KCNQ1: variants seen among roughly 807,000 people sequenced by gnomAD.
The protein encoded by KCNQ1 is potassium voltage-gated channel subfamily KQT member 1.
In KCNQ1, 49 loss-of-function variants were observed where a neutral mutation model predicts 72.4. The observed-to-expected ratio is 0.68, with a 90% CI of 0.54 to 0.86. The LOEUF is 0.86. KCNQ1 is among the 40% of genes least tolerant of loss of function. The pLI, the probability that KCNQ1 is intolerant of heterozygous loss-of-function variation, is 0.00. For synonymous variants in KCNQ1, 450 were observed against 412.6 expected (o/e 1.09, Z -1.10); for missense variants, 790 against 945.1 (o/e 0.84, Z 2.15).
Position 2,571,180 on chromosome 11 carries a change from C to T in KCNQ1, c.605-145C>T, listed in dbSNP as rs552896736. 175 of 732,598 alleles carry T rather than the reference C, an allele frequency of 2.4e-4. 1 individual carries two copies. Among genetic ancestry groups the T allele is most frequent in the Admixed American group, 7.7e-4 (39 of 50,928 alleles). 45.4% of individuals were successfully genotyped at this position (732,598 alleles called of 1,614,324 possible). ...TTTAGATGCTGCCTGCCTCCCTATC[C>T]GAGGTGTCTCCATGTCCCCGGTCAT... is the stretch of plus-strand genomic sequence containing the variant. On this transcript the variant is annotated intron_variant, in intron 3 of 15. Transcript: ENST00000155840.
intron 13 of KCNQ1, 54 bp from the exon 14 acceptor site, chr11:2,776,932 A>T (rs912433146): frequency 9.7e-6 from 15 of 1,547,348 alleles, no homozygotes; most frequent in African/African-American, 1.4e-5. Context: ...ACGACAGTGC[A>T]TCTGCGCAGT....
rs1199447509 is a variant in KCNQ1, at chr11:2,734,203, A to G, written c.1515-34641A>G. On this transcript the variant is annotated intron_variant, in intron 11 of 15. Transcript: ENST00000155840. This position sits in a 1 kb window ranked among gnomAD's most constrained non-coding sequence, Gnocchi z 7.0. ...GGACGTCCAAAGAATAAACGAATGA[A>G]CCATCCAAAGCACAGGCCAGAGGCA... 6.6e-6 allele frequency among the ~76,000 whole-genome samples: 1 copy of G among 152,122 alleles called. No individual in the cohort carries two copies. Among genetic ancestry groups the G allele is most frequent in the Non-Finnish European group, 1.5e-5 (1 of 68,024 alleles).
At position 2,830,047 on chromosome 11, in the gene KCNQ1, G is replaced by A. The variant is rs539786014; in HGVS notation, c.1795-17720G>A. Among the ~76,000 whole-genome samples the A allele has an allele frequency of 1.3e-5, 2 of 150,528 alleles. No homozygotes were observed. The highest frequency in any genetic ancestry group is 4.9e-5 in the African/African-American group (2 of 41,086). ...GGAGGAAGGAGGAGGGAGGAGGAAG[G>A]AGGAGGGAGGAGGGAGGAAGAGAGA... On this transcript the variant is annotated intron_variant, in intron 15 of 15. Transcript: ENST00000155840. This position sits in a 1 kb window ranked among gnomAD's most constrained non-coding sequence, Gnocchi z 7.7.
chr11:2,475,218 T>C lies in KCNQ1; in HGVS notation c.386+29734T>C, dbSNP rs1361574053. On this transcript the variant is annotated intron_variant, in intron 1 of 15. Coordinates refer to ENST00000155840, the MANE Select transcript of KCNQ1 (RefSeq NM_000218.3). This position sits in a 1 kb window ranked among gnomAD's most constrained non-coding sequence, Gnocchi z 5.8. ...GGATTTAGCTATTCTGGATGTTTCATGTGCCTGAAATCATGGCAAACGTGG... is the reference window on the plus strand; with the variant it reads ...GGATTTAGCTATTCTGGATGTTTCACGTGCCTGAAATCATGGCAAACGTGG... Among the ~76,000 whole-genome samples the C allele has an allele frequency of 1.3e-5, 2 of 152,172 alleles. No individual in the cohort carries two copies. Among genetic ancestry groups the C allele is most frequent in the South Asian group, 2.1e-4 (1 of 4,828 alleles).
In KCNQ1 at chr11:2,567,838, CTT is replaced by C. The variant is rs1216192651; in HGVS notation, c.478-2788_478-2787del. Among the ~76,000 whole-genome samples, 1 of 152,230 alleles carries C rather than the reference CTT, an allele frequency of 6.6e-6. No homozygotes were observed. The highest frequency in any genetic ancestry group is 1.5e-5 in the Non-Finnish European group (1 of 68,044). ...TTCCCTGAGTGTTAGGTCAAAATAA[CTT>C]TAAAAAGACACGCAGCTATCCACAG... is the stretch of plus-strand genomic sequence containing the variant. On this transcript the variant is annotated intron_variant, in intron 2 of 15. Transcript: ENST00000155840. The surrounding 1 kb of genome is among the most constrained non-coding windows in gnomAD (Gnocchi z 6.6).
rs144383431 is a variant in KCNQ1 at position 2,826,392 on chromosome 11, C to T, written c.1795-21375C>T. Among the ~76,000 whole-genome samples, 311 of 152,376 alleles carry T rather than the reference C, an allele frequency of 2.0e-3. 1 individual carries two copies. The highest frequency in any genetic ancestry group is 7.2e-3 in the African/African-American group (298 of 41,590). ...AACCAGGCCAGCTGGGGGTCAGAAC[C>T]CGCGGCCAGGCCCAGCAGCCGCCTC... On this transcript the variant is annotated intron_variant, in intron 15 of 15. Coordinates refer to ENST00000155840, the MANE Select transcript of KCNQ1 (RefSeq NM_000218.3). The surrounding 1 kb of genome is among the most constrained non-coding windows in gnomAD (Gnocchi z 4.2).
rs115241634 is a variant in KCNQ1, at chr11:2,729,395, A to T, written c.1515-39449A>T. Reference sequence around the variant, plus strand: ...AAGATAGTGAAGTCCTTAAAGTGAGATGTGTTGGCATTTACTCCACAAATA... The same window carrying T: ...AAGATAGTGAAGTCCTTAAAGTGAGTTGTGTTGGCATTTACTCCACAAATA... On this transcript the variant is annotated intron_variant, in intron 11 of 15. Transcript: ENST00000155840. 5.4e-3 allele frequency among the ~76,000 whole-genome samples: 821 copies of T among 152,348 alleles called. 6 individuals carry two copies. The highest frequency in any genetic ancestry group is 0.016 in the African/African-American group (678 of 41,578).
rs231899 is a variant in KCNQ1, at chr11:2,746,737, G to A, written c.1515-22107G>A. On this transcript the variant is annotated intron_variant, in intron 11 of 15. Transcript: ENST00000155840. The surrounding 1 kb of genome is among the most constrained non-coding windows in gnomAD (Gnocchi z 5.9). ...GTCTCTGTCTCCTGGCTCTGAGGCC[G>A]TGGCTGTCAATCTCTTCAACTGTGA... Among the ~76,000 whole-genome samples, 106,492 of 152,168 alleles carry A rather than the reference G, an allele frequency of 0.7. 37,445 individuals carry two copies. Among genetic ancestry groups the A allele is most frequent in the South Asian group, 0.77 (3,711 of 4,818 alleles).
At chr11:2,552,850 T>A (rs1848004105) in intron 2 of KCNQ1, among the ~76,000 whole-genome samples, 2 of 152,178 alleles carry the variant, frequency 1.3e-5, no homozygotes, top group South Asian at 4.1e-4. Context: ...ATGCACGTCT[T>A]AGTAATACCG....
At position 2,587,772 on chromosome 11, in the gene KCNQ1, G is replaced by A; in HGVS notation, c.1251+80G>A. ...CCGTGGGGGCCGCAGCACGAGGCTG[G>A]GATCTCACCATGCATTTGGCTTGGT... On this transcript the variant is annotated intron_variant, in intron 9 of 15. Transcript: ENST00000155840. 5 of 1,593,966 alleles carry A rather than the reference G, an allele frequency of 3.1e-6. No homozygotes were observed. In the Admixed American group the frequency reaches 5.0e-5, roughly 16 times the overall value.
intron 15 of KCNQ1, among the ~76,000 whole-genome samples, chr11:2,835,828 A>C (rs1848052563): frequency 1.3e-5 from 2 of 152,194 alleles, no homozygotes; most frequent in Non-Finnish European, 2.9e-5. Context: ...CAGCGGGCTC[A>C]GCCTGCAGTG....
chr11:2,839,516 A>G (rs976273820), intron 15 of KCNQ1, among the ~76,000 whole-genome samples: 1 of 151,494 alleles, frequency 6.6e-6, no homozygotes, highest in Non-Finnish European at 1.5e-5. Flanking sequence ...GGCTCATGTC[A>G]GCAGACACGG....
At chr11:2,460,290 C>T (rs1846256858) in intron 1 of KCNQ1, among the ~76,000 whole-genome samples, 1 of 152,234 alleles carries the variant, frequency 6.6e-6, no homozygotes. Context: ...TGCTGGCCTG[C>T]ATTTCTCTGG....
At chr11:2,832,026 T>G (rs1271722132) in intron 15 of KCNQ1, among the ~76,000 whole-genome samples, 2 of 151,628 alleles carry the variant, frequency 1.3e-5, no homozygotes, top group African/African-American at 4.8e-5. Flanking sequence ...GACCTCCACC[T>G]CCAGGCAGCC....
chr11:2,776,280 G>T (rs1248602365), intron 13 of KCNQ1, among the ~76,000 whole-genome samples: 1 of 152,174 alleles, frequency 6.6e-6, no homozygotes, highest in Non-Finnish European at 1.5e-5. Flanking sequence ...TCCCCGCCCG[G>T]ATCTGAGATG....
chr11:2,839,119 T>C (rs1278750820), intron 15 of KCNQ1, among the ~76,000 whole-genome samples: 5 of 152,128 alleles, frequency 3.3e-5, no homozygotes, highest in African/African-American at 1.2e-4. Flanking sequence ...GGGCTAGGGA[T>C]AGGCCAGCCC....
intron 4 of KCNQ1, 33 bp from the exon 5 acceptor site, chr11:2,571,980 G>A (rs199568487): frequency 6.3e-7 from 1 of 1,582,572 alleles, no homozygotes; most frequent in African/African-American, 1.3e-5. Flanking sequence ...AGCCCAGCCT[G>A]GCTCCCTCAG....
intron 15 of KCNQ1, among the ~76,000 whole-genome samples, chr11:2,822,032 G>A (rs934507067): frequency 4.6e-5 from 7 of 152,232 alleles, no homozygotes; most frequent in African/African-American, 1.4e-4. Flanking sequence ...GAGGGAGGCA[G>A]GAGGGTCAGT....
intron 11 of KCNQ1, chr11:2,689,296 C>T: frequency 2.5e-6 from 1 of 398,716 alleles, no homozygotes; most frequent in Non-Finnish European, 4.4e-6. Flanking sequence ...CCACTCCAAC[C>T]CTAAGACTCA....
Sources: gnomAD v4.1 joint callset for allele counts (sites outside exome capture counted in the v4.1 genomes callset) on GRCh38, gnomAD v4.1.1 for gene constraint, Gnocchi (gnomAD v3.1) non-coding constraint, MANE v1.5 for transcripts, NCBI Gene and HGNC (gene_info 2026-07-23, HGNC 2026-07-21) for gene names.